Variants in AFTPH observed in about 807,000 individuals in gnomAD.
The protein encoded by AFTPH is aftiphilin.
Under a neutral mutation model 72.5 loss-of-function variants are expected in AFTPH, and 7 were observed. The ratio of observed to expected loss-of-function variants is 0.10; its 90% CI spans 0.05 to 0.18. The LOEUF (loss-of-function observed/expected upper bound fraction) is 0.18. Ranked by LOEUF, AFTPH falls within the 10% of genes least tolerant of loss-of-function variation. The pLI is 1.00. For synonymous variants in AFTPH, 337 were observed against 370.1 expected (o/e 0.91, Z 1.03); for missense variants, 979 against 1,060.5 (o/e 0.92, Z 1.07).
chr2:64,569,364 CTT>C, intron 4 of AFTPH, 146 bp downstream of exon 4: 1 of 1,162,150 alleles, frequency 8.6e-7, no homozygotes, highest in South Asian at 1.7e-5. Flanking sequence ...AATGTGCTGA[CTT>C]TTAAACATCA....
chr2:64,544,592 C>T (rs1670451770), intron 1 of AFTPH, among the ~76,000 whole-genome samples: 1 of 150,920 alleles, frequency 6.6e-6, no homozygotes, highest in South Asian at 2.1e-4. Context: ...TCCTTTTTTT[C>T]CCCTGTTGAG....
At position 64,565,687 on chromosome 2, in the gene AFTPH, C is replaced by T. The variant is rs142328456; in HGVS notation, c.1936-1875C>T. 3.3e-5 allele frequency among the ~76,000 whole-genome samples: 5 copies of T among 152,314 alleles called. No homozygotes were observed. In the East Asian group the frequency reaches 9.6e-4, roughly 29 times the overall value. On this transcript the variant is annotated intron_variant, in intron 2 of 8. Coordinates refer to ENST00000238856, the Ensembl canonical transcript of AFTPH. ...GAACATACCCATGCTTATTCCTTTACATATGGCCTACAAGGCCTAACATAT... is the reference window on the plus strand; with the variant it reads ...GAACATACCCATGCTTATTCCTTTATATATGGCCTACAAGGCCTAACATAT...
intron 8 of AFTPH, among the ~76,000 whole-genome samples, chr2:64,587,693 G>C (rs557084151): frequency 4.6e-5 from 7 of 152,318 alleles, no homozygotes; most frequent in South Asian, 2.1e-4. Context: ...TCTTTACTAA[G>C]TGCCTTTGAG....
chr2:64,524,698 C>T, intron 1 of AFTPH, 86 bp downstream of exon 1: 1 of 389,120 alleles, frequency 2.6e-6, no homozygotes, highest in Non-Finnish European at 4.5e-6. Context: ...GACCCTCACC[C>T]GGGCCGGGAG....
intron 2 of AFTPH, among the ~76,000 whole-genome samples, chr2:64,558,400 C>T (rs989562301): frequency 2.1e-4 from 32 of 152,236 alleles, no homozygotes; most frequent in Non-Finnish European, 3.7e-4. Context: ...TCTTTCTGGT[C>T]ACAGAAACAT....
intron 1 of AFTPH, among the ~76,000 whole-genome samples, chr2:64,539,330 A>G (rs1670077560): frequency 6.6e-6 from 1 of 152,212 alleles, no homozygotes; most frequent in East Asian, 1.9e-4. Flanking sequence ...AATATTCATG[A>G]TAGCAGGTCT....
At chr2:64,570,915 TCCCCC>T (rs3841896) in intron 5 of AFTPH, among the ~76,000 whole-genome samples, 14 of 74,578 alleles carry the variant, frequency 1.9e-4, no homozygotes, top group African/African-American at 5.5e-4. Context: ...TTTCCTCCCC[TCCCCC>T]CCCCCCCCAC....
intron 1 of AFTPH, among the ~76,000 whole-genome samples, chr2:64,540,616 G>A (rs934303911): frequency 2.0e-5 from 3 of 152,124 alleles, no homozygotes; most frequent in Admixed American, 2.0e-4. Context: ...CTTGAAAAGT[G>A]AACGTGTGTT....
At chr2:64,590,397 C>G (rs189054182) in intron 8 of AFTPH, among the ~76,000 whole-genome samples, 3 of 152,188 alleles carry the variant, frequency 2.0e-5, no homozygotes, top group African/African-American at 4.8e-5. Flanking sequence ...AGAATGCATC[C>G]TAGGTGTTAT....
At chr2:64,586,625 T>C (rs1451054475) in intron 8 of AFTPH, among the ~76,000 whole-genome samples, 1 of 152,226 alleles carries the variant, frequency 6.6e-6, no homozygotes, top group Non-Finnish European at 1.5e-5. Context: ...TAGACTACCC[T>C]TAACTTTTCC....
At chr2:64,570,492 T>C (rs1271683259) in intron 5 of AFTPH, among the ~76,000 whole-genome samples, 2 of 152,228 alleles carry the variant, frequency 1.3e-5, no homozygotes, top group Non-Finnish European at 2.9e-5. Flanking sequence ...AATTGGAACA[T>C]TTTGATTTGT....
At chr2:64,536,092 T>C (rs1463287065) in intron 1 of AFTPH, among the ~76,000 whole-genome samples, 1 of 152,188 alleles carries the variant, frequency 6.6e-6, no homozygotes, top group East Asian at 1.9e-4. Context: ...GTTCACCTTT[T>C]GAGTAGAGGT....
chr2:64,551,934 G>T (rs770856732), exon 2 of AFTPH: 2 of 1,613,408 alleles, frequency 1.2e-6, no homozygotes, highest in African/African-American at 2.7e-5. Flanking sequence ...CTCTCCAGGA[G>T]ATTTTAGAAC....
chr2:64,582,238 T>A (rs1233520017), intron 7 of AFTPH, among the ~76,000 whole-genome samples: 1 of 152,150 alleles, frequency 6.6e-6, no homozygotes, highest in African/African-American at 2.4e-5. Flanking sequence ...GAGAATTCAC[T>A]GGTTTTGTGC....
At chr2:64,562,641 A>G (rs1303673874) in intron 2 of AFTPH, among the ~76,000 whole-genome samples, 2 of 152,172 alleles carry the variant, frequency 1.3e-5, no homozygotes, top group East Asian at 1.9e-4. Flanking sequence ...TACCTCCCTC[A>G]TATGGTTCTT....
chr2:64,572,005 C>G (rs893767410), intron 5 of AFTPH, among the ~76,000 whole-genome samples: 14 of 152,262 alleles, frequency 9.2e-5, no homozygotes, highest in South Asian at 4.1e-4. Flanking sequence ...CACCTGAGGT[C>G]AGGAGTTCGA....
chr2:64,590,438 A>G lies in AFTPH; in HGVS notation c.2580-1447A>G, dbSNP rs141295309. ...ATCAGAAGATCCATACATCTGGTTG[A>G]CTCCATTGTTAGTGGTGCTGAGATT... On this transcript the variant is annotated intron_variant, in intron 8 of 8. Coordinates refer to ENST00000238856, the Ensembl canonical transcript of AFTPH. Among the ~76,000 whole-genome samples, 205 of 152,046 alleles carry G rather than the reference A, an allele frequency of 1.3e-3. 1 individual carries two copies. The highest frequency in any genetic ancestry group is 4.4e-3 in the African/African-American group (184 of 41,466).
At chr2:64,539,269 ACACT>A (rs768619598) in intron 1 of AFTPH, among the ~76,000 whole-genome samples, 4 of 152,218 alleles carry the variant, frequency 2.6e-5, no homozygotes, top group Non-Finnish European at 5.9e-5. Context: ...TGCTCTGGCG[ACACT>A]CACTGACACC....
At chr2:64,569,348 A>G in intron 4 of AFTPH, 130 bp downstream of exon 4, 1 of 1,226,164 alleles carries the variant, frequency 8.2e-7, no homozygotes, top group Non-Finnish European at 1.1e-6. Flanking sequence ...ATGTTCACTT[A>G]TATTGAATGT....
Sources: allele counts gnomAD v4.1 joint callset (sites outside exome capture counted in the v4.1 genomes callset), GRCh38; gene constraint gnomAD v4.1.1; transcripts MANE v1.5; gene names NCBI Gene and HGNC (gene_info 2026-07-23, HGNC 2026-07-21).